The following PTPRD variants were observed in gnomAD, a reference collection of about 807,000 sequenced individuals.
PTPRD encodes receptor-type tyrosine-protein phosphatase delta.
PTPRD carries 34 observed loss-of-function variants against 214.5 expected under a neutral mutation model. The ratio of observed to expected loss-of-function variants is 0.16; its 90% confidence interval spans 0.12 to 0.21. The LOEUF (loss-of-function observed/expected upper bound fraction) is 0.21. Among genes scored for constraint, PTPRD ranks in the 10% least tolerant of loss-of-function variants. PTPRD has a pLI of 1.00. For synonymous variants in PTPRD, 1,128 were observed against 845.7 expected, an observed-to-expected ratio of 1.33 and a Z score of -5.79; for missense variants, 2,545 against 2,398.7, an observed-to-expected ratio of 1.06 and a Z score of -1.27.
intron 8 of PTPRD, among the ~76,000 whole-genome samples, chr9:9,422,076 A>C (rs1242619050): frequency 2.6e-5 from 4 of 152,228 alleles, no homozygotes; most frequent in South Asian, 2.1e-4. Context: ...CACATATTTG[A>C]GAATATCTGT....
intron 3 of PTPRD, among the ~76,000 whole-genome samples, chr9:10,072,938 C>A (rs1375436171): frequency 6.6e-6 from 1 of 152,062 alleles, no homozygotes; most frequent in African/African-American, 2.4e-5. Context: ...AGATGTCCTT[C>A]AGTAGGTGAA....
At chr9:10,243,662 A>G (rs531226957) in intron 3 of PTPRD, among the ~76,000 whole-genome samples, 1 of 152,098 alleles carries the variant, frequency 6.6e-6, no homozygotes, top group African/African-American at 2.4e-5. Flanking sequence ...TCATTGTTGG[A>G]GATATACATA....
chr9:9,559,381 G>A (rs1390895249), intron 8 of PTPRD, among the ~76,000 whole-genome samples: 5 of 152,198 alleles, frequency 3.3e-5, no homozygotes, highest in Non-Finnish European at 7.3e-5. Context: ...GCTCCCTCCC[G>A]CAGCTGGGAC....
At chr9:10,044,299 T>A (rs1469612888) in intron 3 of PTPRD, among the ~76,000 whole-genome samples, 2 of 151,806 alleles carry the variant, frequency 1.3e-5, no homozygotes, top group African/African-American at 4.8e-5. Context: ...ATCATCAAAT[T>A]TTAGAGGATA....
chr9:9,954,297 C>CAAAAAA (rs781628679), intron 4 of PTPRD, among the ~76,000 whole-genome samples: 13 of 53,774 alleles, frequency 2.4e-4, no homozygotes, highest in Non-Finnish European at 4.0e-4. Flanking sequence ...TGTCTCAAAA[C>CAAAAAA]AAAAAAAAAA....
chr9:10,315,004 G>A (rs2096383729), intron 3 of PTPRD, among the ~76,000 whole-genome samples: 1 of 151,812 alleles, frequency 6.6e-6, no homozygotes, highest in Non-Finnish European at 1.5e-5. Context: ...AGTGCATCTG[G>A]GAATGATGTG....
intron 3 of PTPRD, among the ~76,000 whole-genome samples, chr9:10,264,963 C>T (rs2093956412): frequency 6.6e-6 from 1 of 152,140 alleles, no homozygotes; most frequent in African/African-American, 2.4e-5. Flanking sequence ...TCCCCTTTCA[C>T]ATAGCTTTCA....
chr9:9,867,948 A>G (rs2064404241), intron 5 of PTPRD, among the ~76,000 whole-genome samples: 2 of 152,100 alleles, frequency 1.3e-5, no homozygotes, highest in South Asian at 4.1e-4. Context: ...TGTTTTTCTC[A>G]CTCCACAAAG....
intron 2 of PTPRD, among the ~76,000 whole-genome samples, chr9:10,365,088 G>A (rs1403221004): frequency 1.3e-5 from 2 of 151,902 alleles, no homozygotes; most frequent in African/African-American, 4.8e-5. Context: ...TTTACCTCAG[G>A]CGAGACTACA....
chr9:10,396,841 G>A (rs2098179932), intron 2 of PTPRD, among the ~76,000 whole-genome samples: 1 of 151,976 alleles, frequency 6.6e-6, no homozygotes, highest in South Asian at 2.1e-4. Flanking sequence ...GCCCAGTGGG[G>A]AGGCAGGCAT....
At chr9:9,775,242 T>A (rs2098788041) in intron 5 of PTPRD, among the ~76,000 whole-genome samples, 1 of 152,330 alleles carries the variant, frequency 6.6e-6, no homozygotes, top group African/African-American at 2.4e-5. Context: ...GGTCACTTGT[T>A]TTATTGTACT....
intron 3 of PTPRD, among the ~76,000 whole-genome samples, chr9:10,294,006 A>T (rs1442652650): frequency 1.3e-5 from 2 of 152,006 alleles, no homozygotes; most frequent in Non-Finnish European, 2.9e-5. Flanking sequence ...TCCATTACTT[A>T]TGGCATATTC....
intron 16 of PTPRD, among the ~76,000 whole-genome samples, chr9:8,527,108 C>G (rs1010901379): frequency 6.6e-6 from 1 of 151,842 alleles, no homozygotes; most frequent in African/African-American, 2.4e-5. Flanking sequence ...GATTGGATAT[C>G]TTATACTACT....
At chr9:9,039,386 T>C (rs1321131255) in intron 10 of PTPRD, among the ~76,000 whole-genome samples, 1 of 152,182 alleles carries the variant, frequency 6.6e-6, no homozygotes, top group South Asian at 2.1e-4. Context: ...TGCAGCTAAT[T>C]AGATCTGCAG....
chr9:9,715,681 A>G (rs2097808313), intron 7 of PTPRD, among the ~76,000 whole-genome samples: 1 of 152,172 alleles, frequency 6.6e-6, no homozygotes, highest in Non-Finnish European at 1.5e-5. Context: ...CGCAGTATTA[A>G]GAGAATGTAT....
At chr9:10,480,114 A>T (rs560097880) in intron 2 of PTPRD, among the ~76,000 whole-genome samples, 1 of 101,652 alleles carries the variant, frequency 9.8e-6, no homozygotes, top group Admixed American at 1.3e-4. Flanking sequence ...GGGCAGGGAG[A>T]AAACAAAAAA....
chr9:9,304,961 CTG>C (rs1435416538), intron 9 of PTPRD, among the ~76,000 whole-genome samples: 4 of 146,810 alleles, frequency 2.7e-5, no homozygotes, highest in Middle Eastern at 3.4e-3. Context: ...GGATGGGAGT[CTG>C]TAATCTAGTT....
chr9:9,797,745 G>C (rs570722721), intron 5 of PTPRD, among the ~76,000 whole-genome samples: 33 of 152,084 alleles, frequency 2.2e-4, no homozygotes, highest in Admixed American at 1.5e-3. Flanking sequence ...ACTCGGGGGG[G>C]GCTGAGGCAG....
chr9:9,090,846 A>G, intron 10 of PTPRD: 2 of 793,920 alleles, frequency 2.5e-6, no homozygotes, highest in Non-Finnish European at 4.5e-6. Context: ...ATTGACAATG[A>G]TGACAGGTTA....
Sources: allele counts gnomAD v4.1 joint callset (sites outside exome capture counted in the v4.1 genomes callset), GRCh38; gene constraint gnomAD v4.1.1; transcripts MANE v1.5; gene names NCBI Gene and HGNC (gene_info 2026-07-23, HGNC 2026-07-21).